TIMP2: variants seen among roughly 807,000 people sequenced by gnomAD.
TIMP2 encodes the protein metalloproteinase inhibitor 2.
TIMP2 carries 5 observed loss-of-function variants against 24.3 expected under a neutral mutation model. The ratio of observed to expected loss-of-function variants is 0.21; its 90% confidence interval spans 0.11 to 0.43. The LOEUF (loss-of-function observed/expected upper bound fraction) is 0.43, where lower values mean the gene tolerates loss of function less well. TIMP2 is among the 20% of genes least tolerant of loss of function. TIMP2 has a pLI of 1.00. For synonymous variants in TIMP2, 130 were observed against 123.2 expected, an observed-to-expected ratio of 1.06 and a Z score of -0.37; for missense variants, 221 against 297.5, an observed-to-expected ratio of 0.74 and a Z score of 1.89.
At chr17:78,856,264 C>T (rs1208346125) in intron 4 of TIMP2, 2 of 212,174 alleles carry the variant, frequency 9.4e-6, no homozygotes, top group African/African-American at 4.5e-5. Context: ...CGGCAACTAG[C>T]AATTTGGCCA....
intron 3 of TIMP2, among the ~76,000 whole-genome samples, chr17:78,859,607 G>T (rs1460434876): frequency 6.6e-6 from 1 of 151,944 alleles, no homozygotes; most frequent in African/African-American, 2.4e-5. Context: ...AGGTTGCAGT[G>T]AGCCGAGATT....
At chr17:78,916,187 T>A (rs1430709512) in intron 1 of TIMP2, among the ~76,000 whole-genome samples, 1 of 152,084 alleles carries the variant, frequency 6.6e-6, no homozygotes, top group Non-Finnish European at 1.5e-5. Flanking sequence ...AATTCGCCTC[T>A]CCTTTTTGGA....
chr17:78,891,176 A>T lies in TIMP2; in HGVS notation c.131-17257T>A. On this transcript the variant is annotated intron_variant, in intron 1 of 4. Coordinates refer to ENST00000262768, the MANE Select transcript of TIMP2 (RefSeq NM_003255.5). This position sits in a 1 kb window ranked among gnomAD's most constrained non-coding sequence, Gnocchi z 4.5. ...AGACAATGTTTGACTTCCATTTCTAAACGTGGGCTTGACCGTGCCCTGATA... is the reference window on the plus strand; with the variant it reads ...AGACAATGTTTGACTTCCATTTCTATACGTGGGCTTGACCGTGCCCTGATA... 1 of 1,550,606 alleles carries T rather than the reference A, an allele frequency of 6.4e-7. No homozygotes were observed. The highest frequency in any genetic ancestry group is 8.7e-7 in the Non-Finnish European group (1 of 1,147,012).
At chr17:78,877,104 G>A (rs952841298) in intron 1 of TIMP2, among the ~76,000 whole-genome samples, 1 of 152,218 alleles carries the variant, frequency 6.6e-6, no homozygotes, top group Non-Finnish European at 1.5e-5. Flanking sequence ...AGATGGAGCT[G>A]AGATGACGCT....
At chr17:78,903,936 GT>G (rs1368026294) in intron 1 of TIMP2, among the ~76,000 whole-genome samples, 1 of 151,896 alleles carries the variant, frequency 6.6e-6, no homozygotes, top group Non-Finnish European at 1.5e-5. Context: ...TTTTTTGTTT[GT>G]TTTTTAGACA....
At chr17:78,890,544 G>A in intron 1 of TIMP2, 2 of 1,363,516 alleles carry the variant, frequency 1.5e-6, no homozygotes, top group Non-Finnish European at 2.0e-6. Flanking sequence ...TAGTCTCTGA[G>A]GCAATGACGC....
At position 78,863,877 on chromosome 17, in the gene TIMP2, C is replaced by A. The variant is rs1346039097; in HGVS notation, c.341-6231G>T. Among the ~76,000 whole-genome samples the A allele has an allele frequency of 3.3e-5, 5 of 152,174 alleles. 1 individual carries two copies. In the East Asian group the frequency reaches 9.6e-4, roughly 29 times the overall value. ...ACTCCCACTTTCATCCTCTCAACAA[C>A]CCCTCGTGGGGCAGATACTACTGTC... On this transcript the variant is annotated intron_variant, in intron 3 of 4. Coordinates refer to ENST00000262768, the MANE Select transcript of TIMP2 (RefSeq NM_003255.5).
chr17:78,890,575 C>G (rs1567999098), intron 1 of TIMP2: 5 of 1,481,950 alleles, frequency 3.4e-6, no homozygotes, highest in African/African-American at 1.4e-5. Flanking sequence ...CTTAGAGACC[C>G]GGGTACCAGT....
intron 1 of TIMP2, among the ~76,000 whole-genome samples, chr17:78,915,169 T>C (rs549013843): frequency 6.2e-4 from 95 of 152,276 alleles, no homozygotes; most frequent in African/African-American, 2.3e-3. Flanking sequence ...AGTGCTGGGA[T>C]TACAGGCGTG....
At chr17:78,869,064 C>T (rs557065915) in intron 3 of TIMP2, among the ~76,000 whole-genome samples, 26 of 152,312 alleles carry the variant, frequency 1.7e-4, no homozygotes, top group African/African-American at 6.3e-4. Flanking sequence ...TCCTGTGGTT[C>T]AGCCTAGCTG....
chr17:78,871,801 G>A (rs555901063), intron 2 of TIMP2, among the ~76,000 whole-genome samples: 35 of 150,590 alleles, frequency 2.3e-4, no homozygotes, highest in Non-Finnish European at 4.7e-4. Flanking sequence ...AGCCATGATC[G>A]TGCCACTGCG....
intron 1 of TIMP2, among the ~76,000 whole-genome samples, chr17:78,906,639 G>A (rs2070161024): frequency 1.3e-5 from 2 of 152,060 alleles, no homozygotes; most frequent in South Asian, 4.2e-4. Flanking sequence ...CTGGAGTACA[G>A]TGGTGCGATC....
intron 1 of TIMP2, among the ~76,000 whole-genome samples, chr17:78,874,609 G>A (rs566326554): frequency 6.6e-6 from 1 of 152,082 alleles, no homozygotes; most frequent in Non-Finnish European, 1.5e-5. Flanking sequence ...ATGGAGTCTC[G>A]CGCTGTTGCC....
Position 78,896,586 on chromosome 17 carries a change from C to T in TIMP2, c.131-22667G>A, listed in dbSNP as rs562456350. On this transcript the variant is annotated intron_variant, in intron 1 of 4. Coordinates refer to ENST00000262768, the MANE Select transcript of TIMP2 (RefSeq NM_003255.5). The surrounding 1 kb of genome is among the most constrained non-coding windows in gnomAD (Gnocchi z 4.4). ...CTCTGAGTGTTCTGAGCATCCTGGGCTGCTTTGGTGTTTTCTACTCCCCTG... is the reference window on the plus strand; with the variant it reads ...CTCTGAGTGTTCTGAGCATCCTGGGTTGCTTTGGTGTTTTCTACTCCCCTG... Among the ~76,000 whole-genome samples the T allele has an allele frequency of 7.2e-5, 11 of 152,282 alleles. No homozygotes were observed. The East Asian group carries it at 2.1e-3, about 29-fold the overall frequency.
rs1459231159 is a variant in TIMP2, at chr17:78,916,982, C to G, written c.130+7977G>C. 2.6e-5 allele frequency among the ~76,000 whole-genome samples: 4 copies of G among 152,238 alleles called. No homozygotes were observed. The East Asian group carries it at 7.7e-4, about 29-fold the overall frequency. ...TAAGAGTCTCTAGCAAGAGGTGCAG[C>G]CTGCAAGATGATCTTCGCATTCCTG... On this transcript the variant is annotated intron_variant, in intron 1 of 4. Transcript: ENST00000262768.
Position 78,920,158 on chromosome 17 carries a change from C to T in TIMP2, c.130+4801G>A, listed in dbSNP as rs2070298479. ...TCAGGACTGGAGACGGCTGCCCGCG[C>T]CTCTCAGTCTCCCAGGAGTCATCTA... On this transcript the variant is annotated intron_variant, in intron 1 of 4. Transcript: ENST00000262768. The surrounding 1 kb of genome is among the most constrained non-coding windows in gnomAD (Gnocchi z 4.5). 6.6e-6 allele frequency among the ~76,000 whole-genome samples: 1 copy of T among 152,232 alleles called. No homozygotes were observed. Among genetic ancestry groups the T allele is most frequent in the African/African-American group, 2.4e-5 (1 of 41,466 alleles).
At position 78,925,219 on chromosome 17, in the gene TIMP2, C is replaced by T. The variant is rs2070341744; in HGVS notation, c.-131G>A. The T allele has an allele frequency of 5.6e-6, 1 of 178,242 alleles. No individual in the cohort carries two copies. Among genetic ancestry groups the T allele is most frequent in the Middle Eastern group, 3.0e-3 (1 of 334 alleles). 11.0% of individuals were successfully genotyped at this position (178,242 alleles called of 1,614,324 possible). A position where few individuals can be genotyped will look rare whatever the true frequency, so the allele number is the denominator to read the frequency against. On this transcript the variant is annotated 5_prime_UTR_variant, in exon 1 of 5. Coordinates refer to ENST00000262768, the MANE Select transcript of TIMP2 (RefSeq NM_003255.5). ...GGGCCCCTCCCGCGCGGCTCACCCTCCTCACCTGCCCCGCTCGGCCGCGCA... is the reference window on the plus strand; with the variant it reads ...GGGCCCCTCCCGCGCGGCTCACCCTTCTCACCTGCCCCGCTCGGCCGCGCA...
At chr17:78,871,568 C>T (rs564561189) in intron 2 of TIMP2, among the ~76,000 whole-genome samples, 186 of 151,954 alleles carry the variant, frequency 1.2e-3, no homozygotes, top group African/African-American at 4.2e-3. Flanking sequence ...TCATCTGTGC[C>T]GGGCGAAGTG....
chr17:78,891,022 G>C lies in TIMP2; in HGVS notation c.131-17103C>G, dbSNP rs763013831. ...GCCTGGATGCCGTCGAGCCCACTCTGTCTGCCTGGTCTTGAAGGTGGAGCT... is the reference window on the plus strand; with the variant it reads ...GCCTGGATGCCGTCGAGCCCACTCTCTCTGCCTGGTCTTGAAGGTGGAGCT... On this transcript the variant is annotated intron_variant, in intron 1 of 4. Transcript: ENST00000262768. This position sits in a 1 kb window ranked among gnomAD's most constrained non-coding sequence, Gnocchi z 4.5. The C allele has an allele frequency of 1.3e-6, 2 of 1,551,016 alleles. No homozygotes were observed. The highest frequency in any genetic ancestry group is 2.7e-5 in the African/African-American group (2 of 73,022).
Sources: gnomAD v4.1 joint callset for allele counts (sites outside exome capture counted in the v4.1 genomes callset) on GRCh38, gnomAD v4.1.1 for gene constraint, Gnocchi (gnomAD v3.1) non-coding constraint, MANE v1.5 for transcripts, NCBI Gene and HGNC (gene_info 2026-07-23, HGNC 2026-07-21) for gene names.